Variants in WDR44 observed in about 807,000 individuals in gnomAD.
WDR44 encodes WD repeat-containing protein 44.
A neutral mutation model predicts 65.7 loss-of-function variants in WDR44; 9 were observed. That is an observed-to-expected ratio of 0.14 (90% CI 0.08 to 0.24). The LOEUF is 0.24. Ranked by LOEUF, WDR44 falls within the 10% of genes least tolerant of loss-of-function variation. The pLI, the probability that WDR44 is intolerant of heterozygous loss-of-function variation, is 1.00. For missense variants in WDR44, 425 were observed against 670.9 expected, an observed-to-expected ratio of 0.63 and a Z score of 4.05; for synonymous variants, 220 against 235.2, an observed-to-expected ratio of 0.94 and a Z score of 0.59.
At chrX:118,358,260 A>C (rs1180625255) in intron 1 of WDR44, among the ~76,000 whole-genome samples, 1 of 112,696 alleles carries the variant, frequency 8.9e-6, no homozygotes, top group African/African-American at 3.2e-5. Flanking sequence ...GGAAGAGAAC[A>C]GTAAAGACTG....
intron 2 of WDR44, among the ~76,000 whole-genome samples, chrX:118,384,903 A>G (rs968466908): frequency 9.0e-6 from 1 of 111,610 alleles, no homozygotes; most frequent in Non-Finnish European, 1.9e-5. Context: ...AGCTGTATTC[A>G]TAGGTATTTT....
intron 15 of WDR44, 64 bp downstream of exon 15, chrX:118,441,623 A>C: frequency 1.0e-6 from 1 of 1,002,286 alleles, no homozygotes; most frequent in East Asian, 3.1e-5. Flanking sequence ...ATGGTTTTGG[A>C]CAAGTTGCTT....
chrX:118,424,323 G>GTGTGTATATATATATATATATATATATA (rs1289349202), intron 12 of WDR44, among the ~76,000 whole-genome samples: 15 of 65,544 alleles, frequency 2.3e-4, no homozygotes, highest in African/African-American at 1.2e-3. Context: ...GTGTGTGTGT[G>GTGTGTATATATATATATATATATATATA]TATATATATA....
chrX:118,351,664 A>G (rs1175472522), intron 1 of WDR44, among the ~76,000 whole-genome samples: 2 of 111,786 alleles, frequency 1.8e-5, no homozygotes, highest in Non-Finnish European at 3.8e-5. Context: ...ATTTAGTGAC[A>G]TCCGGCCGGG....
At chrX:118,349,938 G>C (rs967983188) in intron 1 of WDR44, among the ~76,000 whole-genome samples, 2 of 102,956 alleles carry the variant, frequency 1.9e-5, no homozygotes, top group African/African-American at 7.4e-5. Context: ...CAGCTCTTCA[G>C]ACTCCTAGTC....
intron 9 of WDR44, among the ~76,000 whole-genome samples, chrX:118,406,413 T>A (rs1450497676): frequency 9.0e-6 from 1 of 111,341 alleles, no homozygotes; most frequent in Non-Finnish European, 1.9e-5. Flanking sequence ...TAAAAATAAA[T>A]AAATAAATTT....
chrX:118,376,545 C>CA (rs973393888), intron 1 of WDR44, among the ~76,000 whole-genome samples: 20 of 107,560 alleles, frequency 1.9e-4, no homozygotes, highest in Non-Finnish European at 2.7e-4. Flanking sequence ...TGGATTTTAC[C>CA]AAAAAAAAAT....
At chrX:118,438,781 CTT>C (rs1459391821) in intron 14 of WDR44, among the ~76,000 whole-genome samples, 1 of 95,164 alleles carries the variant, frequency 1.1e-5, no homozygotes, top group African/African-American at 3.7e-5. Flanking sequence ...ATTTATTAAA[CTT>C]TCTGTTCAGC....
At chrX:118,383,642 AT>A (rs1475938943) in intron 2 of WDR44, among the ~76,000 whole-genome samples, 1 of 106,026 alleles carries the variant, frequency 9.4e-6, no homozygotes, top group Admixed American at 1.0e-4. Context: ...TTATTTATTT[AT>A]TTTTTTCTTT....
chrX:118,438,835 C>T (rs1411885910), intron 14 of WDR44, among the ~76,000 whole-genome samples: 3 of 79,544 alleles, frequency 3.8e-5, no homozygotes, highest in Non-Finnish European at 7.1e-5. Context: ...AGTCTCCAGG[C>T]TGGAGTGCAG....
intron 19 of WDR44, 39 bp downstream of exon 19, chrX:118,444,533 A>G: frequency 8.5e-7 from 1 of 1,182,692 alleles, no homozygotes; most frequent in Non-Finnish European, 1.1e-6. Flanking sequence ...TCTAGTCAGC[A>G]CTTAGTAGCC....
intron 3 of WDR44, among the ~76,000 whole-genome samples, chrX:118,391,962 G>A (rs2056824519): frequency 8.9e-6 from 1 of 112,087 alleles, no homozygotes; most frequent in African/African-American, 3.2e-5. Context: ...CTGGGTGACA[G>A]AGTGAGACTC....
At position 118,449,229 on chromosome X, in the gene WDR44, T is replaced by C; in HGVS notation, c.*242T>C. On this transcript the variant is annotated 3_prime_UTR_variant, in exon 20 of 20. Coordinates refer to ENST00000254029, the MANE Select transcript of WDR44 (RefSeq NM_019045.5). ...ATGTTTTGTTATGTTTGTGTTTTCGTTGTATAATTATGAACATGCACAAGT... is the reference window on the plus strand; with the variant it reads ...ATGTTTTGTTATGTTTGTGTTTTCGCTGTATAATTATGAACATGCACAAGT... 4.7e-6 allele frequency: 1 copy of C among 211,721 alleles called. No homozygotes were observed. Among genetic ancestry groups the C allele is most frequent in the Non-Finnish European group, 8.7e-6 (1 of 115,439 alleles). 17.4% of individuals were successfully genotyped at this position (211,721 alleles called of 1,213,427 possible).
rs762485693 is a variant in WDR44, at chrX:118,424,339, A to ATATATATATATATATATATATATG, written c.1738-8433_1738-8432insATATATATATATATGTATATATAT. ...TGTGTGTGTGTATATATATATATAT[A>ATATATATATATATATATATATATG]TATATATATGTATATATATATAATG... On this transcript the variant is annotated intron_variant, in intron 12 of 19. Coordinates refer to ENST00000254029, the MANE Select transcript of WDR44 (RefSeq NM_019045.5). Among the ~76,000 whole-genome samples, 71 of 85,268 alleles carry ATATATATATATATATATATATATG rather than the reference A, an allele frequency of 8.3e-4. 1 individual carries two copies. Among genetic ancestry groups the ATATATATATATATATATATATATG allele is most frequent in the African/African-American group, 3.7e-3 (62 of 16,645 alleles). 74.0% of individuals were successfully genotyped at this position (85,268 alleles called of 115,157 possible).
At chrX:118,447,877 T>TATAC (rs1455301012) in intron 19 of WDR44, among the ~76,000 whole-genome samples, 4 of 19,585 alleles carry the variant, frequency 2.0e-4, no homozygotes, top group Non-Finnish European at 2.7e-4. Flanking sequence ...CTATCTAAAA[T>TATAC]ATATATATAT....
chrX:118,442,208 T>A (rs1163571801), intron 15 of WDR44, 36 bp from the exon 16 acceptor site: 4 of 1,130,111 alleles, frequency 3.5e-6, no homozygotes, highest in Non-Finnish European at 4.9e-6. Context: ...CACATGCTCC[T>A]AATTCTAATA....
At chrX:118,445,129 A>T in intron 19 of WDR44, 1 of 239,540 alleles carries the variant, frequency 4.2e-6, no homozygotes, top group Non-Finnish European at 7.8e-6. Context: ...CCCCGTCTCT[A>T]CTAAAAATAC....
chrX:118,406,858 G>T lies in WDR44; in HGVS notation c.1382-17G>T, dbSNP rs373140653. The T allele has an allele frequency of 3.4e-6, 4 of 1,184,773 alleles. No homozygotes were observed. In the Admixed American group the frequency reaches 9.5e-5, roughly 28 times the overall value. On this transcript the variant is annotated splice_polypyrimidine_tract_variant and intron_variant, in intron 9 of 19. Coordinates refer to ENST00000254029, the MANE Select transcript of WDR44 (RefSeq NM_019045.5). ...TCTACATTAGCTAGTAGTGATTTCT[G>T]TTGCTTTTCTGTTCAGTGTTTCATA...
At chrX:118,418,184 A>G in intron 12 of WDR44, among the ~76,000 whole-genome samples, 1 of 111,297 alleles carries the variant, frequency 9.0e-6, no homozygotes. Context: ...ATTCTTTTTC[A>G]GGTAAATCAG....
Sources: allele counts gnomAD v4.1 joint callset (sites outside exome capture counted in the v4.1 genomes callset), GRCh38; gene constraint gnomAD v4.1.1; transcripts MANE v1.5; gene names NCBI Gene and HGNC (gene_info 2026-07-23, HGNC 2026-07-21).